Variants in ARHGAP15 observed in about 807,000 individuals in gnomAD.
ARHGAP15 encodes rho GTPase-activating protein 15.
ARHGAP15 carries 51 observed loss-of-function variants against 63.7 expected under a neutral mutation model. The observed-to-expected ratio is 0.80, with a 90% CI of 0.64 to 1.01. ARHGAP15 has a LOEUF of 1.01. ARHGAP15 is among the 50% of genes least tolerant of loss of function. The probability of loss-of-function intolerance (pLI) is 0.00; values close to 1 mark genes in which losing one functional copy is unlikely to be tolerated. For synonymous variants in ARHGAP15, 191 were observed against 193.8 expected (o/e 0.99, Z 0.12); for missense variants, 560 against 564.6 (o/e 0.99, Z 0.08).
intron 6 of ARHGAP15, among the ~76,000 whole-genome samples, chr2:143,286,933 C>T (rs1002766837): frequency 2.6e-5 from 4 of 152,094 alleles, no homozygotes; most frequent in Admixed American, 2.0e-4. Flanking sequence ...TGGGATCACC[C>T]TTAGTATATG....
intron 12 of ARHGAP15, among the ~76,000 whole-genome samples, chr2:143,692,058 C>A (rs1683625978): frequency 1.3e-5 from 2 of 152,128 alleles, no homozygotes; most frequent in Admixed American, 6.6e-5. Context: ...TGTGTGTAAT[C>A]CTCCCGAAAC....
intron 6 of ARHGAP15, among the ~76,000 whole-genome samples, chr2:143,296,392 C>A (rs996474719): frequency 1.3e-5 from 2 of 152,018 alleles, no homozygotes; most frequent in African/African-American, 4.8e-5. Context: ...CTTTCATAAG[C>A]ATATTGCTAG....
intron 2 of ARHGAP15, among the ~76,000 whole-genome samples, chr2:143,159,159 A>T (rs1468561841): frequency 7.9e-5 from 12 of 151,962 alleles, no homozygotes. Flanking sequence ...TGGTGTTCAG[A>T]TAAAGACTTA....
intron 6 of ARHGAP15, among the ~76,000 whole-genome samples, chr2:143,413,966 T>TGTGTGTGTGCGCGCGCGCGCGCGCGCGC: frequency 7.6e-5 from 9 of 117,906 alleles, no homozygotes; most frequent in South Asian, 3.2e-4. Flanking sequence ...TGTGTGTGTG[T>TGTGTGTGTGCGCGCGCGCGCGCGCGCGC]GCGCGCTCTC....
chr2:143,731,531 C>T (rs1050754184), intron 13 of ARHGAP15, among the ~76,000 whole-genome samples: 1 of 152,186 alleles, frequency 6.6e-6, no homozygotes, highest in African/African-American at 2.4e-5. Context: ...TTCCTCTGTG[C>T]GCTCTCTGCC....
intron 6 of ARHGAP15, among the ~76,000 whole-genome samples, chr2:143,382,001 C>T (rs565667297): frequency 1.3e-5 from 2 of 152,066 alleles, no homozygotes; most frequent in South Asian, 2.1e-4. Flanking sequence ...AGGTGGTTCA[C>T]TTCTCTTGAT....
At chr2:143,285,420 AACTTGT>A (rs1447016511) in intron 6 of ARHGAP15, among the ~76,000 whole-genome samples, 13 of 152,178 alleles carry the variant, frequency 8.5e-5, no homozygotes, top group Non-Finnish European at 1.0e-4. Context: ...AATAATATGA[AACTTGT>A]ACTTTGTTTG....
chr2:143,754,787 CCTGG>C (rs1270781005), intron 13 of ARHGAP15, among the ~76,000 whole-genome samples: 4 of 152,200 alleles, frequency 2.6e-5, no homozygotes, highest in African/African-American at 9.7e-5. Flanking sequence ...AGCAAAGCAG[CCTGG>C]CTCTTTATCT....
At chr2:143,483,271 T>C (rs1451686067) in intron 8 of ARHGAP15, among the ~76,000 whole-genome samples, 1 of 151,986 alleles carries the variant, frequency 6.6e-6, no homozygotes, top group Non-Finnish European at 1.5e-5. Context: ...CAAAAAGATA[T>C]AACTCATACC....
At chr2:143,411,383 C>T (rs1200307416) in intron 6 of ARHGAP15, among the ~76,000 whole-genome samples, 2 of 152,066 alleles carry the variant, frequency 1.3e-5, no homozygotes, top group African/African-American at 2.4e-5. Flanking sequence ...TAATCATTAA[C>T]TTGCTGTTTG....
intron 12 of ARHGAP15, among the ~76,000 whole-genome samples, chr2:143,642,597 G>T (rs1391080654): frequency 6.6e-6 from 1 of 152,080 alleles, no homozygotes; most frequent in Non-Finnish European, 1.5e-5. Flanking sequence ...TCCAAGCCAT[G>T]CTATATGCTC....
intron 11 of ARHGAP15, among the ~76,000 whole-genome samples, chr2:143,581,183 AG>A (rs1249095714): frequency 6.6e-6 from 1 of 152,152 alleles, no homozygotes; most frequent in African/African-American, 2.4e-5. Flanking sequence ...CTCCACAAAA[AG>A]CCAGAAGATG....
chr2:143,189,779 C>T (rs770972736), intron 2 of ARHGAP15, among the ~76,000 whole-genome samples: 1 of 152,138 alleles, frequency 6.6e-6, no homozygotes, highest in East Asian at 1.9e-4. Context: ...TTTCTTTCTA[C>T]TCGTGTGTTC....
intron 6 of ARHGAP15, among the ~76,000 whole-genome samples, chr2:143,340,398 C>T (rs1685004180): frequency 6.6e-6 from 1 of 152,048 alleles, no homozygotes; most frequent in African/African-American, 2.4e-5. Flanking sequence ...ACATGTGCTC[C>T]ACTGTGTAAG....
At chr2:143,533,445 T>G (rs962444759) in intron 10 of ARHGAP15, 5 of 152,274 alleles carry the variant, frequency 3.3e-5, no homozygotes, top group African/African-American at 1.2e-4. Flanking sequence ...GTCTGACCTC[T>G]GATACTCTCC....
chr2:143,442,933 C>G (rs6706817), intron 8 of ARHGAP15, among the ~76,000 whole-genome samples: 135,356 of 152,200 alleles, frequency 0.89, 60,560 homozygotes, highest in Middle Eastern at 0.97. Flanking sequence ...ACATTAAGAC[C>G]TCTTTACATG....
intron 6 of ARHGAP15, among the ~76,000 whole-genome samples, chr2:143,399,366 TAAA>T (rs1454925508): frequency 6.8e-6 from 1 of 146,048 alleles, no homozygotes; most frequent in African/African-American, 2.5e-5. Context: ...GGCAAAAAAA[TAAA>T]AAAAAATGCC....
intron 6 of ARHGAP15, among the ~76,000 whole-genome samples, chr2:143,328,995 A>G (rs931979811): frequency 6.6e-6 from 1 of 152,204 alleles, no homozygotes; most frequent in Non-Finnish European, 1.5e-5. Flanking sequence ...TAAGTTTTTT[A>G]AAAAGTGACA....
At chr2:143,144,330 T>C (rs924883688) in intron 1 of ARHGAP15, among the ~76,000 whole-genome samples, 1 of 152,010 alleles carries the variant, frequency 6.6e-6, no homozygotes, top group African/African-American at 2.4e-5. Context: ...GAAATCTCCA[T>C]ACTGTCTTTT....
Sources: gnomAD v4.1 joint callset for allele counts (sites outside exome capture counted in the v4.1 genomes callset) on GRCh38, gnomAD v4.1.1 for gene constraint, MANE v1.5 for transcripts, NCBI Gene and HGNC (gene_info 2026-07-23, HGNC 2026-07-21) for gene names.